ACMSD: variants seen among roughly 807,000 people sequenced by gnomAD.
The protein encoded by ACMSD is 2-amino-3-carboxymuconate-6-semialdehyde decarboxylase.
ACMSD carries 37 observed loss-of-function variants against 45.9 expected under a neutral mutation model. The ratio of observed to expected loss-of-function variants is 0.81; its 90% CI spans 0.62 to 1.06. ACMSD has a LOEUF of 1.06. Among genes scored for constraint, ACMSD ranks in the 50% least tolerant of loss-of-function variants. ACMSD has a pLI of 0.00. For synonymous variants in ACMSD, 138 were observed against 148.8 expected (o/e 0.93, Z 0.53); for missense variants, 434 against 420.9 (o/e 1.03, Z -0.27).
intron 8 of ACMSD, among the ~76,000 whole-genome samples, chr2:134,893,155 T>A (rs1290503359): frequency 6.6e-6 from 1 of 152,078 alleles, no homozygotes; most frequent in Non-Finnish European, 1.5e-5. Flanking sequence ...CTTCCTCTTG[T>A]CTCTTGTGAA....
intron 8 of ACMSD, among the ~76,000 whole-genome samples, chr2:134,878,907 T>C (rs548066079): frequency 6.6e-6 from 1 of 152,336 alleles, no homozygotes; most frequent in Non-Finnish European, 1.5e-5. Flanking sequence ...AGCCCTTCTC[T>C]ACCTTTGGGT....
chr2:134,892,663 T>A (rs77978213), intron 8 of ACMSD, among the ~76,000 whole-genome samples: 8,764 of 152,026 alleles, frequency 0.058, 391 homozygotes, highest in African/African-American at 0.12. Context: ...CATTGTATAC[T>A]TCATACAAGT....
At chr2:134,874,764 C>T (rs1559057415) in intron 8 of ACMSD, among the ~76,000 whole-genome samples, 1 of 152,138 alleles carries the variant, frequency 6.6e-6, no homozygotes, top group Non-Finnish European at 1.5e-5. Flanking sequence ...CTTGACTCAG[C>T]AGTGAGCAAT....
intron 1 of ACMSD, among the ~76,000 whole-genome samples, chr2:134,839,095 TAGA>T (rs1374835219): frequency 6.6e-6 from 1 of 152,196 alleles, no homozygotes; most frequent in Non-Finnish European, 1.5e-5. Flanking sequence ...CAATTTTAAG[TAGA>T]AGACCATTAA....
intron 8 of ACMSD, among the ~76,000 whole-genome samples, chr2:134,897,150 C>CA (rs1208357847): frequency 5.9e-4 from 85 of 145,226 alleles, no homozygotes; most frequent in Middle Eastern, 3.5e-3. Context: ...AATTATATCT[C>CA]AAAAAAAAAA....
At position 134,851,604 on chromosome 2, in the gene ACMSD, G is replaced by A. The variant is rs539255281; in HGVS notation, c.102+6327G>A. 5.9e-5 allele frequency among the ~76,000 whole-genome samples: 9 copies of A among 152,170 alleles called. No individual in the cohort carries two copies. In the South Asian group the frequency reaches 1.7e-3, roughly 28 times the overall value. On this transcript the variant is annotated intron_variant, in intron 2 of 9. Coordinates refer to ENST00000356140, the MANE Select transcript of ACMSD (RefSeq NM_138326.3). ...ACTACAGGCAACTGGCACCATATCCGGCTAATTTTTGTATTTTTAGTAGAG... is the reference window on the plus strand; with the variant it reads ...ACTACAGGCAACTGGCACCATATCCAGCTAATTTTTGTATTTTTAGTAGAG...
chr2:134,865,553 T>C (rs528310414), intron 5 of ACMSD, among the ~76,000 whole-genome samples: 1 of 152,194 alleles, frequency 6.6e-6, no homozygotes, highest in Non-Finnish European at 1.5e-5. Flanking sequence ...CAGGAGCACA[T>C]CCTGTCCCCA....
chr2:134,839,333 C>G (rs1338143605), intron 1 of ACMSD, among the ~76,000 whole-genome samples: 1 of 152,080 alleles, frequency 6.6e-6, no homozygotes, highest in African/African-American at 2.4e-5. Context: ...TGACATGAAG[C>G]TTTTGCACAG....
chr2:134,851,987 T>C (rs1687366813), intron 2 of ACMSD, among the ~76,000 whole-genome samples: 1 of 152,226 alleles, frequency 6.6e-6, no homozygotes, highest in Non-Finnish European at 1.5e-5. Flanking sequence ...GAATGCACCT[T>C]TGGAAATAAC....
intron 9 of ACMSD, among the ~76,000 whole-genome samples, chr2:134,898,882 C>T (rs1055142429): frequency 6.6e-6 from 1 of 151,814 alleles, no homozygotes; most frequent in Non-Finnish European, 1.5e-5. Context: ...TTTTTCCCGG[C>T]GTTTGACTTT....
In ACMSD at chr2:134,880,392, G is replaced by A. The variant is rs1416315230; in HGVS notation, c.849+7751G>A. On this transcript the variant is annotated intron_variant, in intron 8 of 9. Coordinates refer to ENST00000356140, the MANE Select transcript of ACMSD (RefSeq NM_138326.3). The stretch of plus-strand genomic sequence containing the variant: ...TTCTGTAAATTTTCTTAAATTATGT[G>A]TTAATGATTTCCTTCCCTCTGCTTT... Among the ~76,000 whole-genome samples, 3 of 152,076 alleles carry A rather than the reference G, an allele frequency of 2.0e-5. No homozygotes were observed. In the East Asian group the frequency reaches 5.8e-4, roughly 29 times the overall value.
chr2:134,885,106 G>A (rs1689247747), intron 8 of ACMSD, among the ~76,000 whole-genome samples: 2 of 149,884 alleles, frequency 1.3e-5, no homozygotes, highest in African/African-American at 4.9e-5. Context: ...TGAGGTGAGA[G>A]GATCACTTGA....
intron 2 of ACMSD, among the ~76,000 whole-genome samples, chr2:134,848,977 C>T (rs1055679448): frequency 1.3e-5 from 2 of 152,202 alleles, no homozygotes; most frequent in African/African-American, 2.4e-5. Context: ...ATTCAAAATG[C>T]TAGTTCCTAG....
chr2:134,864,028 G>A (rs1191375077), intron 5 of ACMSD, among the ~76,000 whole-genome samples: 1 of 151,998 alleles, frequency 6.6e-6, no homozygotes, highest in African/African-American at 2.4e-5. Context: ...CAGCACTTCG[G>A]GAGGCCCAGG....
chr2:134,841,692 TA>T (rs1553507666), intron 1 of ACMSD, among the ~76,000 whole-genome samples: 1 of 152,184 alleles, frequency 6.6e-6, no homozygotes, highest in Non-Finnish European at 1.5e-5. Flanking sequence ...ATGAGGATGA[TA>T]CAGTTTCAGC....
chr2:134,894,299 CT>C (rs937312652), intron 8 of ACMSD, among the ~76,000 whole-genome samples: 2 of 151,886 alleles, frequency 1.3e-5, no homozygotes, highest in African/African-American at 4.8e-5. Context: ...GACGGCAGTA[CT>C]ACAGAACTTA....
At chr2:134,866,653 T>C (rs749470471) in intron 5 of ACMSD, among the ~76,000 whole-genome samples, 2 of 152,242 alleles carry the variant, frequency 1.3e-5, no homozygotes, top group Non-Finnish European at 2.9e-5. Flanking sequence ...CAAACATTTA[T>C]GTATGAGGGT....
intron 7 of ACMSD, 33 bp from the exon 8 acceptor site, chr2:134,872,436 C>T (rs575213593): frequency 2.5e-6 from 4 of 1,613,378 alleles, no homozygotes; most frequent in South Asian, 1.1e-5. Flanking sequence ...TTACAATCAA[C>T]ACTAGCCCCT....
chr2:134,898,397 GA>G lies in ACMSD; in HGVS notation c.909del (p.Lys303AsnfsTer2). The G allele has an allele frequency of 6.2e-7, 1 of 1,602,582 alleles. No homozygotes were observed. The highest frequency in any genetic ancestry group is 8.5e-7 in the Non-Finnish European group (1 of 1,175,196). On this transcript the variant is annotated frameshift_variant, in exon 9 of 10. Coordinates refer to ENST00000356140, the MANE Select transcript of ACMSD (RefSeq NM_138326.3). LOFTEE classifies it high-confidence loss of function. The part of the protein sequence containing the change: ...PFPLGELEPG[K>X]LIESMEEFDE... ...TTCCACTAGGTGAGCTGGAACCTGGGAAACTAATAGAGTCCATGGAAGAATT... is the reference window on the plus strand; with the variant it reads ...TTCCACTAGGTGAGCTGGAACCTGGGAACTAATAGAGTCCATGGAAGAATT...
Sources: allele counts gnomAD v4.1 joint callset (sites outside exome capture counted in the v4.1 genomes callset), GRCh38; gene constraint gnomAD v4.1.1; transcripts MANE v1.5; gene names NCBI Gene and HGNC (gene_info 2026-07-23, HGNC 2026-07-21).